WASF2: variants seen among roughly 807,000 people sequenced by gnomAD.
WASF2 encodes WASP family member 2.
A neutral mutation model predicts 45.0 loss-of-function variants in WASF2; 14 were observed. The observed-to-expected ratio is 0.31, with a 90% CI of 0.21 to 0.49. The LOEUF is 0.49. Among genes scored for constraint, WASF2 ranks in the 20% least tolerant of loss-of-function variants. WASF2 has a pLI of 0.99. For synonymous variants in WASF2, 200 were observed against 236.3 expected, an observed-to-expected ratio of 0.85 and a Z score of 1.41; for missense variants, 439 against 636.1, an observed-to-expected ratio of 0.69 and a Z score of 3.33.
At chr1:27,460,392 T>G (rs2017528097) in intron 1 of WASF2, among the ~76,000 whole-genome samples, 1 of 152,132 alleles carries the variant, frequency 6.6e-6, no homozygotes, top group Non-Finnish European at 1.5e-5. Flanking sequence ...TGAGTTCTGT[T>G]GGCGAAAGAA....
chr1:27,433,743 C>T (rs1187519050), intron 1 of WASF2, among the ~76,000 whole-genome samples: 1 of 152,226 alleles, frequency 6.6e-6, no homozygotes, highest in Non-Finnish European at 1.5e-5. Flanking sequence ...GCCCCACCGG[C>T]TGCTCTCTTT....
At chr1:27,439,031 G>C (rs2017173935) in intron 1 of WASF2, among the ~76,000 whole-genome samples, 1 of 152,138 alleles carries the variant, frequency 6.6e-6, no homozygotes, top group Non-Finnish European at 1.5e-5. Context: ...TCTAACCTCA[G>C]TTTACCAGGA....
intron 1 of WASF2, among the ~76,000 whole-genome samples, chr1:27,437,767 C>A (rs1490812093): frequency 6.6e-6 from 1 of 152,132 alleles, no homozygotes; most frequent in Non-Finnish European, 1.5e-5. Context: ...ATGGAGAAAT[C>A]TTACCCTTTA....
chr1:27,453,609 A>C (rs1375620574), intron 1 of WASF2, among the ~76,000 whole-genome samples: 1 of 76,440 alleles, frequency 1.3e-5, no homozygotes, highest in African/African-American at 4.8e-5. Context: ...AAAAAAAAAA[A>C]GGGCCAAGCG....
chr1:27,408,763 G>A (rs964852336), intron 8 of WASF2, among the ~76,000 whole-genome samples: 1 of 151,842 alleles, frequency 6.6e-6, no homozygotes, highest in Non-Finnish European at 1.5e-5. Context: ...CTTGGGACCA[G>A]ACCTGGCCCC....
chr1:27,424,713 G>A (rs2016953075), intron 2 of WASF2, among the ~76,000 whole-genome samples: 2 of 152,070 alleles, frequency 1.3e-5, no homozygotes, highest in South Asian at 2.1e-4. Flanking sequence ...GTAGAGACAG[G>A]GTCTCACTAT....
intron 1 of WASF2, among the ~76,000 whole-genome samples, chr1:27,433,282 C>T (rs565865307): frequency 6.6e-6 from 1 of 152,168 alleles, no homozygotes; most frequent in Non-Finnish European, 1.5e-5. Context: ...ATCTGAACCA[C>T]AGAACAAAAA....
rs200795125 is a variant in WASF2 at position 27,416,081 on chromosome 1, G to A, written c.441C>T (p.Leu147=). The A allele has an allele frequency of 8.1e-6, 13 of 1,614,066 alleles. No individual in the cohort carries two copies. The highest frequency in any genetic ancestry group is 1.1e-5 in the Non-Finnish European group (13 of 1,179,956). Residue 147 remains leucine (L), a synonymous_variant, in exon 5 of 9, where the codon CTC becomes CTT. Coordinates refer to ENST00000618852, the MANE Select transcript of WASF2 (RefSeq NM_006990.5). ...AGTATGAAGGGTCTGTGTAGAATTTGAGTGCCTCTTTTCCATCGTCCCTGG... is the reference window on the plus strand; with the variant it reads ...AGTATGAAGGGTCTGTGTAGAATTTAAGTGCCTCTTTTCCATCGTCCCTGG... ...TPYRDDGKEA[L]KFYTDPSYFF...
chr1:27,443,969 T>C (rs2504776), intron 1 of WASF2, among the ~76,000 whole-genome samples: 134,338 of 152,016 alleles, frequency 0.88, 59,610 homozygotes, highest in East Asian at 1. Context: ...TTAGTAGATA[T>C]GGCGTTTCAT....
At chr1:27,436,166 C>T (rs981174022) in intron 1 of WASF2, among the ~76,000 whole-genome samples, 2 of 152,206 alleles carry the variant, frequency 1.3e-5, no homozygotes, top group African/African-American at 4.8e-5. Flanking sequence ...AAGAACATGG[C>T]TGGGTGTAGT....
chr1:27,462,870 G>A (rs921862609), intron 1 of WASF2, among the ~76,000 whole-genome samples: 17 of 151,826 alleles, frequency 1.1e-4, no homozygotes, highest in African/African-American at 3.6e-4. Flanking sequence ...GTCTCACTCT[G>A]TCGCAATGGT....
chr1:27,459,868 T>C (rs959963847), intron 1 of WASF2, among the ~76,000 whole-genome samples: 2 of 152,206 alleles, frequency 1.3e-5, no homozygotes, highest in Non-Finnish European at 2.9e-5. Context: ...AAATCCACAA[T>C]AGATTCTATT....
At chr1:27,453,477 A>C (rs2148126190) in intron 1 of WASF2, among the ~76,000 whole-genome samples, 1 of 151,914 alleles carries the variant, frequency 6.6e-6, no homozygotes, top group African/African-American at 2.4e-5. Context: ...CTGTAATCCC[A>C]GCTACTCAGG....
chr1:27,461,491 C>T (rs71638525), intron 1 of WASF2, among the ~76,000 whole-genome samples: 68 of 145,876 alleles, frequency 4.7e-4, no homozygotes, highest in Non-Finnish European at 7.3e-4. Flanking sequence ...GACGGAGTCT[C>T]GCTCTGTCTC....
chr1:27,449,548 G>A (rs554739111), intron 1 of WASF2, among the ~76,000 whole-genome samples: 1 of 151,838 alleles, frequency 6.6e-6, no homozygotes, highest in Admixed American at 6.6e-5. Flanking sequence ...GCAGTGAGCT[G>A]AGATCGGGCC....
intron 1 of WASF2, among the ~76,000 whole-genome samples, chr1:27,445,414 A>G (rs1457006997): frequency 6.6e-6 from 1 of 152,152 alleles, no homozygotes; most frequent in Non-Finnish European, 1.5e-5. Flanking sequence ...AAAACACCCA[A>G]ACTAAGAAGT....
At chr1:27,417,094 T>C (rs933569846) in intron 4 of WASF2, among the ~76,000 whole-genome samples, 8 of 152,200 alleles carry the variant, frequency 5.3e-5, no homozygotes, top group African/African-American at 1.9e-4. Context: ...CAAGTTCAGA[T>C]AACTGAGAGG....
intron 1 of WASF2, among the ~76,000 whole-genome samples, chr1:27,432,459 T>C (rs976217470): frequency 6.6e-6 from 1 of 151,538 alleles, no homozygotes; most frequent in Non-Finnish European, 1.5e-5. Flanking sequence ...CCATCCTGGC[T>C]AACATGGTGA....
chr1:27,484,175 G>A (rs550673245), intron 1 of WASF2, among the ~76,000 whole-genome samples: 3 of 152,250 alleles, frequency 2.0e-5, no homozygotes, highest in African/African-American at 7.2e-5. Flanking sequence ...AATCCATGCT[G>A]TCATGGGGCT....
Sources: allele counts gnomAD v4.1 joint callset (sites outside exome capture counted in the v4.1 genomes callset), GRCh38; gene constraint gnomAD v4.1.1; transcripts MANE v1.5; gene names NCBI Gene and HGNC (gene_info 2026-07-23, HGNC 2026-07-21).